Variants in PRUNE2 observed in about 807,000 individuals in gnomAD.
The protein encoded by PRUNE2 is prune homolog 2 with BCH domain, also known as protein prune homolog 2.
In PRUNE2, 164 loss-of-function variants were observed where a neutral mutation model predicts 252.0. The ratio of observed to expected loss-of-function variants is 0.65; its 90% confidence interval spans 0.57 to 0.74. The LOEUF (loss-of-function observed/expected upper bound fraction) is 0.74, where lower values mean the gene tolerates loss of function less well. PRUNE2 is among the 30% of genes least tolerant of loss of function. The pLI is 0.00. For synonymous variants in PRUNE2, 1,292 were observed against 1,350.2 expected, an observed-to-expected ratio of 0.96 and a Z score of 0.94; for missense variants, 3,495 against 3,711.0, an observed-to-expected ratio of 0.94 and a Z score of 1.51.
chr9:76,711,438 T>A, intron 7 of PRUNE2, 80 bp from the exon 8 acceptor site: 1 of 833,918 alleles, frequency 1.2e-6, no homozygotes, highest in Non-Finnish European at 1.9e-6. Flanking sequence ...TTATCTCGCT[T>A]AATTTTTAAA....
At chr9:76,746,280 C>T (rs894917713) in intron 6 of PRUNE2, among the ~76,000 whole-genome samples, 1 of 152,320 alleles carries the variant, frequency 6.6e-6, no homozygotes, top group East Asian at 1.9e-4. Context: ...AAGATCAGGG[C>T]ATTATTAGAG....
At chr9:76,728,237 A>G (rs2048288723) in intron 6 of PRUNE2, among the ~76,000 whole-genome samples, 1 of 152,158 alleles carries the variant, frequency 6.6e-6, no homozygotes, top group East Asian at 1.9e-4. Context: ...CTATGTGGAA[A>G]AACTCATCAA....
chr9:76,875,805 A>G (rs1487943402), intron 1 of PRUNE2, among the ~76,000 whole-genome samples: 3 of 152,212 alleles, frequency 2.0e-5, no homozygotes, highest in Non-Finnish European at 2.9e-5. Flanking sequence ...AAGTCATACC[A>G]CTGCTATCCA....
intron 9 of PRUNE2, among the ~76,000 whole-genome samples, chr9:76,702,488 A>G (rs2134736052): frequency 6.6e-6 from 1 of 152,364 alleles, no homozygotes; most frequent in Non-Finnish European, 1.5e-5. Flanking sequence ...AGAAATGAAG[A>G]ATGCTAAACA....
intron 16 of PRUNE2, among the ~76,000 whole-genome samples, chr9:76,627,494 G>A (rs1215700021): frequency 6.6e-6 from 1 of 152,228 alleles, no homozygotes; most frequent in East Asian, 1.9e-4. Flanking sequence ...AGAGCTATGA[G>A]GTATGCTGGT....
intron 1 of PRUNE2, among the ~76,000 whole-genome samples, chr9:76,879,413 A>C (rs144899536): frequency 6.6e-6 from 1 of 152,334 alleles, no homozygotes; most frequent in Non-Finnish European, 1.5e-5. Flanking sequence ...TTTACTCAAC[A>C]TCAGTGAACA....
rs680729 is a variant in PRUNE2 at position 76,707,804 on chromosome 9, A to G, written c.4470T>C (p.Asp1490=). 1,247,585 of 1,612,722 alleles carry G rather than the reference A, an allele frequency of 0.77. 484,574 individuals are homozygous for G. The highest frequency in any genetic ancestry group is 0.96 in the East Asian group (42,856 of 44,866). Residue 1490 remains aspartate, a synonymous_variant, in exon 8 of 19, where the codon GAT becomes GAC. Coordinates refer to ENST00000376718, the MANE Select transcript of PRUNE2 (RefSeq NM_015225.3). ...CACTGTCTATAGGGACGTCCCCAAA[A>G]TCAAGACTTCGGGGAACTCTGTGAG... ...GPPHRVPRSL[D]FGDVPIDSDV...
chr9:76,617,828 G>A (rs1179549663), intron 18 of PRUNE2, among the ~76,000 whole-genome samples: 4 of 152,230 alleles, frequency 2.6e-5, no homozygotes, highest in African/African-American at 9.6e-5. Context: ...AGATGTAGCA[G>A]CGATGGGCCA....
chr9:76,881,959 T>C (rs2061816317), intron 1 of PRUNE2, among the ~76,000 whole-genome samples: 1 of 152,172 alleles, frequency 6.6e-6, no homozygotes. Context: ...TTATACAATA[T>C]GTAATCTTTC....
At chr9:76,640,197 A>C (rs113477871) in intron 12 of PRUNE2, among the ~76,000 whole-genome samples, 3 of 152,344 alleles carry the variant, frequency 2.0e-5, no homozygotes, top group African/African-American at 4.8e-5. Context: ...CCAACGTGTT[A>C]GTTTTTTCAG....
chr9:76,903,599 TA>T (rs1218394195), intron 1 of PRUNE2, among the ~76,000 whole-genome samples: 1 of 152,178 alleles, frequency 6.6e-6, no homozygotes, highest in Non-Finnish European at 1.5e-5. Flanking sequence ...TATTTTATTT[TA>T]TTTTTGAGAC....
At position 76,639,527 on chromosome 9, in the gene PRUNE2, T is replaced by C. The variant is rs887735074; in HGVS notation, c.8729-1239A>G. On this transcript the variant is annotated intron_variant, in intron 12 of 18. Coordinates refer to ENST00000376718, the MANE Select transcript of PRUNE2 (RefSeq NM_015225.3). ...CAACAAAAAAACTATATACAGCCAA[T>C]ATTTTACTGCCACGTAATCACTCAG... Among the ~76,000 whole-genome samples, 139 of 152,132 alleles carry C rather than the reference T, an allele frequency of 9.1e-4. 1 individual carries two copies. Among genetic ancestry groups the C allele is most frequent in the Admixed American group, 8.7e-3 (133 of 15,282 alleles).
At chr9:76,723,540 G>A (rs573372039) in intron 6 of PRUNE2, among the ~76,000 whole-genome samples, 2 of 152,294 alleles carry the variant, frequency 1.3e-5, no homozygotes, top group East Asian at 3.9e-4. Flanking sequence ...CTTAACAGAA[G>A]ACCATAAAAG....
intron 9 of PRUNE2, among the ~76,000 whole-genome samples, chr9:76,661,630 A>ATAG (rs1235018130): frequency 6.6e-6 from 1 of 152,234 alleles, no homozygotes; most frequent in Non-Finnish European, 1.5e-5. Context: ...GATACAAGGA[A>ATAG]TAATTCTTCA....
intron 9 of PRUNE2, among the ~76,000 whole-genome samples, chr9:76,697,073 C>T (rs1166833404): frequency 6.6e-6 from 1 of 152,180 alleles, no homozygotes; most frequent in Admixed American, 6.5e-5. Context: ...TGCGAATATA[C>T]CCTGCTTTCG....
chr9:76,742,423 T>TG (rs2049717436), intron 6 of PRUNE2, among the ~76,000 whole-genome samples: 1 of 152,130 alleles, frequency 6.6e-6, no homozygotes, highest in Non-Finnish European at 1.5e-5. Flanking sequence ...AGACCCAGCC[T>TG]GGGCAACATA....
At chr9:76,618,341 G>A (rs990572620) in intron 18 of PRUNE2, among the ~76,000 whole-genome samples, 4 of 152,172 alleles carry the variant, frequency 2.6e-5, no homozygotes, top group African/African-American at 9.7e-5. Context: ...CGCAAAGGAG[G>A]TCCAAAGACA....
At chr9:76,858,698 G>A (rs1241655287) in intron 1 of PRUNE2, among the ~76,000 whole-genome samples, 1 of 150,398 alleles carries the variant, frequency 6.6e-6, no homozygotes, top group African/African-American at 2.5e-5. Flanking sequence ...CATGGCACGT[G>A]TATACCTATG....
chr9:76,688,702 T>A (rs143067028), intron 9 of PRUNE2, among the ~76,000 whole-genome samples: 61 of 152,342 alleles, frequency 4.0e-4, no homozygotes, highest in African/African-American at 1.4e-3. Context: ...TGCCAGTCTA[T>A]TGCAATCACA....
Sources: allele counts gnomAD v4.1 joint callset (sites outside exome capture counted in the v4.1 genomes callset), GRCh38; gene constraint gnomAD v4.1.1; transcripts MANE v1.5; gene names NCBI Gene and HGNC (gene_info 2026-07-23, HGNC 2026-07-21).